ABCA13: variants seen among roughly 807,000 people sequenced by gnomAD.
ABCA13 encodes the protein ATP binding cassette subfamily A member 13.
Under a neutral mutation model 478.7 loss-of-function variants are expected in ABCA13, and 476 were observed. The observed-to-expected ratio is 0.99, with a 90% CI of 0.92 to 1.07. The LOEUF is 1.07. Among genes scored for constraint, ABCA13 ranks in the 50% least tolerant of loss-of-function variants. ABCA13 has a pLI of 0.00. For synonymous variants in ABCA13, 2,252 were observed against 2,158.9 expected (o/e 1.04, Z -1.20); for missense variants, 6,060 against 5,910.6 (o/e 1.03, Z -0.83).
At chr7:48,613,442 G>A (rs1339027701) in intron 58 of ABCA13, among the ~76,000 whole-genome samples, 3 of 152,076 alleles carry the variant, frequency 2.0e-5, no homozygotes, top group East Asian at 1.9e-4. Flanking sequence ...CACCCACCTC[G>A]GCCTCCCAAA....
intron 41 of ABCA13, among the ~76,000 whole-genome samples, chr7:48,414,258 C>T (rs1055531812): frequency 1.1e-4 from 16 of 152,100 alleles, no homozygotes; most frequent in Non-Finnish European, 7.4e-5. Context: ...AATTCTGTTC[C>T]GTGTTCTCCC....
chr7:48,516,304 A>G (rs934022492), intron 51 of ABCA13, among the ~76,000 whole-genome samples: 1 of 152,118 alleles, frequency 6.6e-6, no homozygotes, highest in Admixed American at 6.5e-5. Context: ...GCAGGATGAA[A>G]TCTTGTACTG....
At chr7:48,358,653 G>A (rs2128999281) in intron 31 of ABCA13, among the ~76,000 whole-genome samples, 1 of 152,108 alleles carries the variant, frequency 6.6e-6, no homozygotes, top group South Asian at 2.1e-4. Flanking sequence ...GCAGAGATCA[G>A]CACTATGCAG....
intron 58 of ABCA13, among the ~76,000 whole-genome samples, chr7:48,604,905 G>T (rs1791310694): frequency 6.6e-6 from 1 of 152,112 alleles, no homozygotes. Context: ...ATGAATCTGG[G>T]TGCTCCTGTG....
chr7:48,297,509 G>A (rs1799550470), intron 22 of ABCA13, among the ~76,000 whole-genome samples, 198 bp downstream of exon 22: 1 of 152,256 alleles, frequency 6.6e-6, no homozygotes, highest in Admixed American at 6.5e-5. Context: ...TGAAGCAGAG[G>A]AACAAAGAGA....
At chr7:48,593,654 G>A (rs895855686) in intron 57 of ABCA13, among the ~76,000 whole-genome samples, 2 of 150,664 alleles carry the variant, frequency 1.3e-5, no homozygotes, top group African/African-American at 4.9e-5. Flanking sequence ...TTGTTTTGAA[G>A]AACCCCTTTA....
chr7:48,581,635 C>T (rs1051284505), intron 56 of ABCA13, among the ~76,000 whole-genome samples: 3 of 152,150 alleles, frequency 2.0e-5, no homozygotes, highest in East Asian at 3.8e-4. Flanking sequence ...TAATGTAGGT[C>T]GGTGCTTTCT....
chr7:48,370,938 C>G (rs562261029), intron 32 of ABCA13, among the ~76,000 whole-genome samples: 1 of 152,242 alleles, frequency 6.6e-6, no homozygotes, highest in South Asian at 2.1e-4. Context: ...TTTACTCCAT[C>G]TTGAGTTAAG....
chr7:48,623,943 A>C (rs1793405359), intron 59 of ABCA13, among the ~76,000 whole-genome samples: 1 of 152,160 alleles, frequency 6.6e-6, no homozygotes, highest in Non-Finnish European at 1.5e-5. Context: ...GTAGGTCGTT[A>C]GGTTGAGCAG....
chr7:48,560,350 C>T (rs960127426), intron 55 of ABCA13, among the ~76,000 whole-genome samples: 1 of 152,158 alleles, frequency 6.6e-6, no homozygotes, highest in Non-Finnish European at 1.5e-5. Context: ...CTTCCTCCCC[C>T]AAGTGCACAG....
At chr7:48,259,498 G>C (rs1006187472) in intron 15 of ABCA13, among the ~76,000 whole-genome samples, 6 of 151,954 alleles carry the variant, frequency 3.9e-5, no homozygotes, top group Non-Finnish European at 7.4e-5. Flanking sequence ...GGGTGTCATC[G>C]CATGTGAGAT....
At chr7:48,459,253 C>A (rs1825997981) in intron 43 of ABCA13, among the ~76,000 whole-genome samples, 1 of 152,160 alleles carries the variant, frequency 6.6e-6, no homozygotes, top group Non-Finnish European at 1.5e-5. Context: ...CCTGACGGAC[C>A]TGCTCAAAAC....
intron 23 of ABCA13, among the ~76,000 whole-genome samples, chr7:48,303,271 C>T (rs1800414727): frequency 6.6e-6 from 1 of 151,880 alleles, no homozygotes. Context: ...TGCAAAACCT[C>T]CCGTTCTGTA....
intron 3 of ABCA13, among the ~76,000 whole-genome samples, chr7:48,205,574 G>C (rs1001220045): frequency 6.6e-6 from 1 of 152,138 alleles, no homozygotes; most frequent in Non-Finnish European, 1.5e-5. Flanking sequence ...GGAAGTCTTT[G>C]TTCTTCCATG....
chr7:48,324,933 G>A, intron 27 of ABCA13, among the ~76,000 whole-genome samples: 1 of 152,202 alleles, frequency 6.6e-6, no homozygotes, highest in East Asian at 1.9e-4. Flanking sequence ...GCCATTTGGA[G>A]GAGGAGAAGA....
At chr7:48,254,309 G>C (rs765907053) in intron 15 of ABCA13, among the ~76,000 whole-genome samples, 1 of 151,806 alleles carries the variant, frequency 6.6e-6, no homozygotes, top group African/African-American at 2.4e-5. Flanking sequence ...TATTGCCCAG[G>C]GTGGAATGCA....
intron 35 of ABCA13, among the ~76,000 whole-genome samples, chr7:48,384,114 C>T (rs1814803768): frequency 1.3e-5 from 2 of 152,186 alleles, no homozygotes; most frequent in African/African-American, 4.8e-5. Context: ...ATCTGGATCC[C>T]ATTGCCTACT....
rs762676776 is a variant in ABCA13, at chr7:48,524,450, C to T, written c.14244+10C>T. The stretch of plus-strand genomic sequence containing the variant: ...CATACCAAAAGGAGAGGTAATGAAG[C>T]TTCTATTTTTAATCTTCTTCTGTTG... On this transcript the variant is annotated intron_variant, in intron 54 of 61. Transcript: ENST00000435803. 6.3e-7 allele frequency: 1 copy of T among 1,595,820 alleles called. No homozygotes were observed. The highest frequency in any genetic ancestry group is 8.5e-7 in the Non-Finnish European group (1 of 1,173,746).
At chr7:48,334,800 T>G (rs1306554963) in intron 27 of ABCA13, among the ~76,000 whole-genome samples, 1 of 152,214 alleles carries the variant, frequency 6.6e-6, no homozygotes, top group Non-Finnish European at 1.5e-5. Context: ...CCTTTGGCAT[T>G]TAGACTATTT....
Sources: allele counts gnomAD v4.1 joint callset (sites outside exome capture counted in the v4.1 genomes callset), GRCh38; gene constraint gnomAD v4.1.1; transcripts MANE v1.5; gene names NCBI Gene and HGNC (gene_info 2026-07-23, HGNC 2026-07-21).